Variants in INPP4B observed in about 807,000 individuals in gnomAD.
INPP4B encodes inositol polyphosphate-4-phosphatase type II B.
A neutral mutation model predicts 122.5 loss-of-function variants in INPP4B; 55 were observed. The ratio of observed to expected loss-of-function variants is 0.45; its 90% CI spans 0.36 to 0.56. The LOEUF (loss-of-function observed/expected upper bound fraction) is 0.56, where lower values mean the gene tolerates loss of function less well. INPP4B is among the 20% of genes least tolerant of loss of function. The probability of loss-of-function intolerance (pLI) is 0.00; values close to 1 mark genes in which losing one functional copy is unlikely to be tolerated. For synonymous variants in INPP4B, 403 were observed against 388.7 expected, an observed-to-expected ratio of 1.04 and a Z score of -0.43; for missense variants, 1,000 against 1,097.7, an observed-to-expected ratio of 0.91 and a Z score of 1.26.
intron 11 of INPP4B, among the ~76,000 whole-genome samples, chr4:142,247,240 T>C (rs1023458859): frequency 9.9e-5 from 15 of 152,168 alleles, no homozygotes; most frequent in African/African-American, 3.6e-4. Flanking sequence ...ATCAGGGATA[T>C]TGGCCTGAAA....
intron 23 of INPP4B, among the ~76,000 whole-genome samples, chr4:142,096,522 T>C (rs1015120823): frequency 1.3e-5 from 2 of 152,136 alleles, no homozygotes; most frequent in Non-Finnish European, 2.9e-5. Context: ...TTAAGGGACA[T>C]TAAAAGTCTA....
chr4:142,072,019 T>C (rs1767709416), intron 25 of INPP4B, among the ~76,000 whole-genome samples: 1 of 152,188 alleles, frequency 6.6e-6, no homozygotes, highest in African/African-American at 2.4e-5. Flanking sequence ...ATCATGCTGC[T>C]ATAAAGACAC....
chr4:142,505,367 T>C (rs543130024), intron 2 of INPP4B, among the ~76,000 whole-genome samples: 2 of 152,220 alleles, frequency 1.3e-5, no homozygotes, highest in South Asian at 4.1e-4. Flanking sequence ...TTTTCCTCAG[T>C]GGCTAGGAAA....
chr4:142,531,879 T>A (rs1167635955), intron 2 of INPP4B, among the ~76,000 whole-genome samples: 1 of 152,202 alleles, frequency 6.6e-6, no homozygotes, highest in Non-Finnish European at 1.5e-5. Context: ...AAATATTGAC[T>A]AAGCTGAATA....
intron 2 of INPP4B, among the ~76,000 whole-genome samples, chr4:142,614,393 A>G (rs989621275): frequency 1.3e-5 from 2 of 152,158 alleles, no homozygotes; most frequent in Admixed American, 6.6e-5. Flanking sequence ...AAAAATAACT[A>G]AAGATAGATT....
intron 23 of INPP4B, among the ~76,000 whole-genome samples, chr4:142,095,134 A>G (rs912088492): frequency 6.6e-6 from 1 of 152,128 alleles, no homozygotes; most frequent in African/African-American, 2.4e-5. Context: ...TATCCTTGAG[A>G]CTTCAATTTC....
chr4:142,161,160 C>T lies in INPP4B; in HGVS notation c.1360-599G>A, dbSNP rs150987400. Among the ~76,000 whole-genome samples, 979 of 152,014 alleles carry T rather than the reference C, an allele frequency of 6.4e-3. 9 individuals are homozygous for T. Among genetic ancestry groups the T allele is most frequent in the Admixed American group, 6.7e-3 (102 of 15,234 alleles). On this transcript the variant is annotated intron_variant, in intron 16 of 25. Transcript: ENST00000262992. ...TCCTTATTATCACCTCCTAAATGCTCTGTTCCACTAAATTGTTTCAGTAAT... is the reference window on the plus strand; with the variant it reads ...TCCTTATTATCACCTCCTAAATGCTTTGTTCCACTAAATTGTTTCAGTAAT...
intron 1 of INPP4B, among the ~76,000 whole-genome samples, chr4:142,771,385 T>G (rs891518778): frequency 6.6e-6 from 1 of 152,114 alleles, no homozygotes; most frequent in African/African-American, 2.4e-5. Flanking sequence ...CCTAGAGAAG[T>G]TTCTCTGGCA....
At chr4:142,663,442 A>G (rs559305579) in intron 2 of INPP4B, among the ~76,000 whole-genome samples, 1 of 152,140 alleles carries the variant, frequency 6.6e-6, no homozygotes, top group Non-Finnish European at 1.5e-5. Context: ...ATATAGATAT[A>G]TTAATAGAAA....
chr4:142,583,223 C>T (rs758527336), intron 2 of INPP4B, among the ~76,000 whole-genome samples: 9 of 152,082 alleles, frequency 5.9e-5, no homozygotes, highest in Non-Finnish European at 1.2e-4. Context: ...TAGGTCAAAA[C>T]TACAGTAACT....
At chr4:142,543,847 A>G (rs1158827784) in intron 2 of INPP4B, among the ~76,000 whole-genome samples, 1 of 152,154 alleles carries the variant, frequency 6.6e-6, no homozygotes, top group African/African-American at 2.4e-5. Flanking sequence ...TCTGATTTTA[A>G]ATTAAGATAC....
At chr4:142,065,999 A>T (rs1469626197) in intron 25 of INPP4B, among the ~76,000 whole-genome samples, 1 of 152,180 alleles carries the variant, frequency 6.6e-6, no homozygotes, top group Admixed American at 6.6e-5. Flanking sequence ...GGGAAGCTTC[A>T]TGATATTAGC....
At chr4:142,040,583 C>T (rs985646456) in intron 25 of INPP4B, among the ~76,000 whole-genome samples, 1 of 152,074 alleles carries the variant, frequency 6.6e-6, no homozygotes, top group African/African-American at 2.4e-5. Flanking sequence ...ACATATCTGA[C>T]ATATCTTAGT....
intron 23 of INPP4B, among the ~76,000 whole-genome samples, chr4:142,090,240 G>A (rs1778857715): frequency 6.6e-6 from 1 of 151,944 alleles, no homozygotes; most frequent in African/African-American, 2.4e-5. Flanking sequence ...GATGTCTCAT[G>A]GAAATTTCAT....
At position 142,431,224 on chromosome 4, in the gene INPP4B, C is replaced by T. The variant is rs368338390; in HGVS notation, c.36G>A (p.Gly12=). 47 of 1,613,232 alleles carry T rather than the reference C, an allele frequency of 2.9e-5. No homozygotes were observed. The highest frequency in any genetic ancestry group is 3.6e-5 in the Non-Finnish European group (42 of 1,179,456). The change falls in exon 4 of 26, where the codon GGG becomes GGA. Residue 12 remains glycine, a synonymous_variant. Transcript: ENST00000262992. ...EIKEEGASEE[G]QHFLPTAQAN... ...CCTGGGCTGTAGGAAGAAAGTGCTG[C>T]CCTTCTTCTGATGCCCCTTCCTCTT...
At chr4:142,079,380 A>C (rs1303552238) in intron 25 of INPP4B, among the ~76,000 whole-genome samples, 2 of 151,962 alleles carry the variant, frequency 1.3e-5, no homozygotes, top group Admixed American at 1.3e-4. Flanking sequence ...TTTAAAAACC[A>C]CTGTCTGAAG....
At chr4:142,746,347 A>C (rs891976634) in intron 1 of INPP4B, among the ~76,000 whole-genome samples, 1 of 152,078 alleles carries the variant, frequency 6.6e-6, no homozygotes, top group Non-Finnish European at 1.5e-5. Context: ...GGGGAACTAC[A>C]AACCACTGCT....
rs536421465 is a variant in INPP4B at position 142,211,253 on chromosome 4, G to T, written c.837-2227C>A. 1.5e-3 allele frequency among the ~76,000 whole-genome samples: 223 copies of T among 152,202 alleles called. 2 individuals are homozygous for T. The highest frequency in any genetic ancestry group is 5.3e-4 in the Non-Finnish European group (36 of 68,008). The stretch of plus-strand genomic sequence containing the variant: ...GTCACTGCATTTTTTAAAAAGGAAA[G>T]AAATTAATAAGCACATTAATTTCAT... On this transcript the variant is annotated intron_variant, in intron 12 of 25. Transcript: ENST00000262992.
At chr4:142,029,352 A>G in intron 25 of INPP4B, 4 of 984,868 alleles carry the variant, frequency 4.1e-6, no homozygotes, top group Non-Finnish European at 4.8e-6. Context: ...AGATTTTTAA[A>G]GAAAAATTTC....
Sources: gnomAD v4.1 joint callset for allele counts (sites outside exome capture counted in the v4.1 genomes callset) on GRCh38, gnomAD v4.1.1 for gene constraint, MANE v1.5 for transcripts, NCBI Gene and HGNC (gene_info 2026-07-23, HGNC 2026-07-21) for gene names.